The following SUSD3 variants were observed in gnomAD, a reference collection of about 807,000 sequenced individuals.
The protein encoded by SUSD3 is sushi domain containing 3, also known as sushi domain-containing protein 3.
Under a neutral mutation model 20.6 loss-of-function variants are expected in SUSD3, and 18 were observed. The observed-to-expected ratio is 0.87, with a 90% CI of 0.60 to 1.30. The LOEUF is 1.30. SUSD3 is among the 50% of genes most tolerant of loss of function. SUSD3 has a pLI of 0.00. For synonymous variants in SUSD3, 137 were observed against 141.5 expected (o/e 0.97, Z 0.23); for missense variants, 306 against 346.9 (o/e 0.88, Z 0.94).
chr9:93,062,220 C>T (rs1024351815), intron 1 of SUSD3, among the ~76,000 whole-genome samples: 5 of 152,372 alleles, frequency 3.3e-5, no homozygotes, highest in Admixed American at 6.5e-5. Flanking sequence ...TCAGGCATCA[C>T]ACAGGTGTGG....
intron 2 of SUSD3, among the ~76,000 whole-genome samples, chr9:93,076,305 GTTTGTTCA>G (rs1397622944): frequency 2.2e-5 from 3 of 134,964 alleles, no homozygotes; most frequent in African/African-American, 1.1e-4. Context: ...AGGAAACTAT[GTTTGTTCA>G]TTCATTCATT....
At chr9:93,060,648 T>C (rs1323815719) in intron 1 of SUSD3, among the ~76,000 whole-genome samples, 2 of 151,646 alleles carry the variant, frequency 1.3e-5, no homozygotes, top group African/African-American at 4.9e-5. Flanking sequence ...CTGGGTAACA[T>C]AGCAAGACCC....
In SUSD3 at chr9:93,075,877, G is replaced by A; in HGVS notation, c.182G>A (p.Cys61Tyr). The A allele has an allele frequency of 6.2e-7, 1 of 1,613,950 alleles. No individual in the cohort carries two copies. The highest frequency in any genetic ancestry group is 8.5e-7 in the Non-Finnish European group (1 of 1,179,980). ...ASVGTVLMFR[C>Y]PSNHQMVGSG... ...GTGGGGACCGTGCTCATGTTCCGCT[G>A]CCCCTCCAACCACCAGATGGTGGGG... Residue 61 changes from cysteine (C) to tyrosine (Y), a missense_variant, in exon 2 of 5, where the codon TGC becomes TAC. Transcript: ENST00000375472.
intron 4 of SUSD3, 97 bp from the exon 5 acceptor site, chr9:93,084,440 A>G (rs1826560733): frequency 2.6e-6 from 3 of 1,173,648 alleles, no homozygotes; most frequent in South Asian, 3.2e-5. Flanking sequence ...CAGTTGCCCC[A>G]GGCCCACTGG....
At chr9:93,064,618 C>T (rs998919645) in intron 1 of SUSD3, among the ~76,000 whole-genome samples, 2 of 152,196 alleles carry the variant, frequency 1.3e-5, no homozygotes, top group African/African-American at 4.8e-5. Context: ...AGGTGAGAGC[C>T]GACTGGTCAA....
At chr9:93,074,219 C>T (rs1352632893) in intron 1 of SUSD3, among the ~76,000 whole-genome samples, 5 of 151,768 alleles carry the variant, frequency 3.3e-5, no homozygotes, top group South Asian at 2.1e-4. Context: ...CCAAGGCGGC[C>T]GGATCACGAG....
chr9:93,061,396 C>T (rs534305313), intron 1 of SUSD3, among the ~76,000 whole-genome samples: 2 of 152,360 alleles, frequency 1.3e-5, no homozygotes, highest in South Asian at 2.1e-4. Context: ...CCATTGGCAT[C>T]GAAAGAGCTG....
chr9:93,060,860 A>G (rs1000225592), intron 1 of SUSD3, among the ~76,000 whole-genome samples: 1 of 152,124 alleles, frequency 6.6e-6, no homozygotes, highest in African/African-American at 2.4e-5. Context: ...AACCAAAAAC[A>G]TAGCACGGGG....
intron 1 of SUSD3, among the ~76,000 whole-genome samples, chr9:93,062,259 C>G (rs932441471): frequency 1.3e-5 from 2 of 152,256 alleles, no homozygotes; most frequent in Non-Finnish European, 2.9e-5. Flanking sequence ...TCCTCTCCAC[C>G]TGCCCCTGAG....
intron 4 of SUSD3, among the ~76,000 whole-genome samples, chr9:93,080,519 G>C (rs941123980): frequency 2.6e-5 from 4 of 152,200 alleles, no homozygotes; most frequent in Non-Finnish European, 4.4e-5. Context: ...AGAGGCTCCT[G>C]TCTGCGTCTG....
At chr9:93,064,260 A>C (rs961507818) in intron 1 of SUSD3, among the ~76,000 whole-genome samples, 9 of 152,234 alleles carry the variant, frequency 5.9e-5, no homozygotes, top group Admixed American at 3.3e-4. Context: ...GTTGGCCAGG[A>C]TGGTCTTGAT....
intron 3 of SUSD3, among the ~76,000 whole-genome samples, chr9:93,078,247 G>A (rs1231299089): frequency 6.6e-6 from 1 of 152,184 alleles, no homozygotes; most frequent in African/African-American, 2.4e-5. Flanking sequence ...GGGTTCACGG[G>A]GGATTATTTT....
At position 93,058,788 on chromosome 9, in the gene SUSD3, G is replaced by A; in HGVS notation, c.46G>A (p.Gly16Arg). ...ATLRGKARPR[G>R]RAGVTTPAPG... ...CCTCCGTGGCAAGGCGAGGCCCCGG[G>A]GGCGGGCCGGGGTCACCACGCCTGC... Residue 16 changes from glycine to arginine, a missense_variant, in exon 1 of 5, where the codon GGG becomes AGG. Gly to Arg is a moderately radical substitution (Grantham distance 125, BLOSUM62 -2). Transcript: ENST00000375472. 8.1e-7 allele frequency: 1 copy of A among 1,242,200 alleles called. No homozygotes were observed. The highest frequency in any genetic ancestry group is 1.0e-6 in the Non-Finnish European group (1 of 993,072). The allele number at this position is 1,242,200 out of a possible 1,614,324, so 76.9% of individuals were successfully genotyped here. A position where few individuals can be genotyped will look rare whatever the true frequency, so the allele number is the denominator to read the frequency against.
chr9:93,062,104 C>T (rs989065282), intron 1 of SUSD3, among the ~76,000 whole-genome samples: 3 of 152,220 alleles, frequency 2.0e-5, no homozygotes, highest in African/African-American at 7.2e-5. Context: ...AGAATCCACC[C>T]GGTCAGGCTT....
chr9:93,077,653 T>C (rs1360354725), intron 2 of SUSD3, among the ~76,000 whole-genome samples, 193 bp from the exon 3 acceptor site: 1 of 152,116 alleles, frequency 6.6e-6, no homozygotes, highest in Non-Finnish European at 1.5e-5. Context: ...CCTCCAAATA[T>C]AGTTTGCACA....
At chr9:93,078,015 A>G in intron 3 of SUSD3, 22 bp downstream of exon 3, 1 of 1,613,102 alleles carries the variant, frequency 6.2e-7, no homozygotes, top group South Asian at 1.1e-5. Context: ...TCATGATCTC[A>G]GGGTCCTCCC....
At chr9:93,083,691 G>A (rs530477116) in intron 4 of SUSD3, among the ~76,000 whole-genome samples, 2 of 152,318 alleles carry the variant, frequency 1.3e-5, no homozygotes, top group East Asian at 1.9e-4. Flanking sequence ...CTGCCTCCCC[G>A]AAGCTGCCTT....
intron 1 of SUSD3, among the ~76,000 whole-genome samples, chr9:93,060,688 T>G (rs143605912): frequency 6.6e-6 from 1 of 151,902 alleles, no homozygotes; most frequent in African/African-American, 2.4e-5. Context: ...AAAAAAAAAT[T>G]AGCTGAGCAT....
chr9:93,076,065 G>A, intron 2 of SUSD3, 93 bp downstream of exon 2: 1 of 1,149,146 alleles, frequency 8.7e-7, no homozygotes, highest in Non-Finnish European at 1.2e-6. Context: ...TGGCGTGGGT[G>A]TCTACTCACA....
Sources: allele counts gnomAD v4.1 joint callset (sites outside exome capture counted in the v4.1 genomes callset), GRCh38; gene constraint gnomAD v4.1.1; transcripts MANE v1.5; gene names NCBI Gene and HGNC (gene_info 2026-07-23, HGNC 2026-07-21).